LARS1: variants seen among roughly 807,000 people sequenced by gnomAD.
LARS1 encodes the protein leucine--tRNA ligase, cytoplasmic.
LARS1 carries 100 observed loss-of-function variants against 162.8 expected under a neutral mutation model. The ratio of observed to expected loss-of-function variants is 0.61; its 90% confidence interval spans 0.52 to 0.73. LARS1 has a LOEUF of 0.73. Among genes scored for constraint, LARS1 ranks in the 30% least tolerant of loss-of-function variants. LARS1 has a pLI of 0.00. For missense variants in LARS1, 1,258 were observed against 1,408.9 expected (o/e 0.89, Z 1.71); for synonymous variants, 457 against 462.8 (o/e 0.99, Z 0.16).
At position 146,144,556 on chromosome 5, in the gene LARS1, A is replaced by G. The variant is rs774868911; in HGVS notation, c.1590-19T>C. 10 of 1,613,156 alleles carry G rather than the reference A, an allele frequency of 6.2e-6. No homozygotes were observed. The highest frequency in any genetic ancestry group is 3.3e-4 in the Middle Eastern group (2 of 6,076). ...CAAGTACCTGGGAGTGGACAAATTG[A>G]TATGTTTTTTTTTAAGTCAAAGGTG... On this transcript the variant is annotated intron_variant, in intron 16 of 31. Coordinates refer to ENST00000394434, the MANE Select transcript of LARS1 (RefSeq NM_020117.11).
intron 21 of LARS1, among the ~76,000 whole-genome samples, chr5:146,136,902 C>T (rs2963917): frequency 0.98 from 149,828 of 152,360 alleles, 73,717 homozygotes; most frequent in South Asian, 1. Context: ...CTATTTTCTC[C>T]TTTTTCCCTT....
At chr5:146,137,253 T>C (rs1411587935) in intron 21 of LARS1, among the ~76,000 whole-genome samples, 4 of 152,236 alleles carry the variant, frequency 2.6e-5, no homozygotes, top group Non-Finnish European at 5.9e-5. Context: ...AATACAGTCA[T>C]TGCTATTCTG....
intron 31 of LARS1, among the ~76,000 whole-genome samples, chr5:146,117,212 A>C (rs1216577722): frequency 1.3e-5 from 2 of 152,174 alleles, no homozygotes; most frequent in African/African-American, 4.8e-5. Context: ...TGCAGAACCT[A>C]GTCAGTGCTA....
chr5:146,160,687 CA>C (rs1753743802), intron 6 of LARS1, among the ~76,000 whole-genome samples: 1 of 152,096 alleles, frequency 6.6e-6, no homozygotes, highest in African/African-American at 2.4e-5. Context: ...TATACATATA[CA>C]TATTAACAAA....
chr5:146,146,874 C>T (rs1024957936), intron 15 of LARS1, among the ~76,000 whole-genome samples: 5 of 151,684 alleles, frequency 3.3e-5, no homozygotes, highest in African/African-American at 9.7e-5. Context: ...CTACCATGCC[C>T]GGCTAATTTT....
At chr5:146,153,287 G>T in intron 12 of LARS1, 60 bp from the exon 13 acceptor site, 1 of 1,175,060 alleles carries the variant, frequency 8.5e-7, no homozygotes, top group South Asian at 1.3e-5. Context: ...GAATCATTGA[G>T]AGAAGCAATC....
intron 10 of LARS1, among the ~76,000 whole-genome samples, chr5:146,154,607 G>A (rs1034277544): frequency 3.9e-5 from 6 of 151,920 alleles, no homozygotes; most frequent in African/African-American, 1.4e-4. Context: ...GTGAAACCCC[G>A]TCTCTACTAA....
rs35424128 is a variant in LARS1, at chr5:146,131,243, A to G, written c.2397-134T>C. 0.25 allele frequency: 132,392 copies of G among 521,680 alleles called. 18,887 individuals carry two copies. The highest frequency in any genetic ancestry group is 0.36 in the Admixed American group (9,552 of 26,712). The allele number at this position is 521,680 out of a possible 1,614,324, so 32.3% of individuals were successfully genotyped here. Reference sequence around the variant, plus strand: ...TTGAAATACTGCTCATTTAAGCAGTAAAATGAGAACAATGCCCAGAACATT... The same window carrying G: ...TTGAAATACTGCTCATTTAAGCAGTGAAATGAGAACAATGCCCAGAACATT... On this transcript the variant is annotated intron_variant, in intron 23 of 31. Transcript: ENST00000394434.
In LARS1 at chr5:146,149,709, TGA is replaced by T. The variant is rs552710520; in HGVS notation, c.1426-12_1426-11del. ...CATCCACCAACATGATCTAAAAGGATGAGAGGGGAGAAAAACCACATATAAAA... is the reference window on the plus strand; with the variant it reads ...CATCCACCAACATGATCTAAAAGGATGAGGGGAGAAAAACCACATATAAAA... On this transcript the variant is annotated splice_polypyrimidine_tract_variant and intron_variant, in intron 14 of 31. Coordinates refer to ENST00000394434, the MANE Select transcript of LARS1 (RefSeq NM_020117.11). 145 of 1,595,734 alleles carry T rather than the reference TGA, an allele frequency of 9.1e-5. No homozygotes were observed. Among genetic ancestry groups the T allele is most frequent in the Non-Finnish European group, 1.2e-4 (143 of 1,163,656 alleles).
intron 15 of LARS1, among the ~76,000 whole-genome samples, chr5:146,148,025 G>C (rs937184353): frequency 4.0e-4 from 61 of 152,264 alleles, no homozygotes; most frequent in African/African-American, 1.4e-3. Flanking sequence ...AATACCTTCA[G>C]GTTTTTAAGG....
intron 8 of LARS1, among the ~76,000 whole-genome samples, chr5:146,158,072 T>C (rs1275616343): frequency 2.0e-5 from 3 of 152,184 alleles, no homozygotes; most frequent in Non-Finnish European, 2.9e-5. Context: ...ATGTCCCACA[T>C]AGTAGTCATC....
Position 146,114,050 on chromosome 5 carries a change from C to T in LARS1, c.*56G>A, listed in dbSNP as rs896337197. 21 of 1,349,156 alleles carry T rather than the reference C, an allele frequency of 1.6e-5. No homozygotes were observed. In the African/African-American group the frequency reaches 1.6e-4, roughly 10 times the overall value. The allele number at this position is 1,349,156 out of a possible 1,614,324, so 83.6% of individuals were successfully genotyped here. ...GGTTCTGATAGCCAATCAGTAGACA[C>T]AATCAGAGTAGTAGTATTCCTAAGA... On this transcript the variant is annotated 3_prime_UTR_variant, in exon 32 of 32. Transcript: ENST00000394434.
intron 5 of LARS1, among the ~76,000 whole-genome samples, chr5:146,166,834 C>A (rs73317821): frequency 0.029 from 4,007 of 138,390 alleles, 161 homozygotes; most frequent in African/African-American, 0.094. Context: ...AGATCTCTCC[C>A]AAAATATATA....
chr5:146,147,949 C>T (rs1198799515), intron 15 of LARS1, among the ~76,000 whole-genome samples: 1 of 152,164 alleles, frequency 6.6e-6, no homozygotes, highest in Non-Finnish European at 1.5e-5. Flanking sequence ...GTTACAAAAA[C>T]ATCAGTCACT....
At chr5:146,134,491 A>G (rs1230971983) in intron 22 of LARS1, among the ~76,000 whole-genome samples, 2 of 152,232 alleles carry the variant, frequency 1.3e-5, no homozygotes, top group African/African-American at 4.8e-5. Flanking sequence ...AAAAAGAAGT[A>G]CCATGATGAC....
At chr5:146,168,066 T>A in intron 5 of LARS1, 62 bp downstream of exon 5, 7 of 1,371,592 alleles carry the variant, frequency 5.1e-6, no homozygotes, top group Non-Finnish European at 7.1e-6. Context: ...GTACTGGGAA[T>A]GCACATATAA....
intron 1 of LARS1, among the ~76,000 whole-genome samples, chr5:146,178,299 A>G (rs1189430628): frequency 6.6e-6 from 1 of 152,124 alleles, no homozygotes; most frequent in Non-Finnish European, 1.5e-5. Context: ...CAAAATTGTT[A>G]AAGAACTGTT....
intron 28 of LARS1, among the ~76,000 whole-genome samples, chr5:146,125,742 C>T (rs1373682166): frequency 6.6e-6 from 1 of 151,906 alleles, no homozygotes. Flanking sequence ...CAATATAAGC[C>T]TTCTTTCGGT....
chr5:146,172,997 T>C (rs966938927), intron 2 of LARS1, among the ~76,000 whole-genome samples: 34 of 152,200 alleles, frequency 2.2e-4, no homozygotes, highest in African/African-American at 8.0e-4. Context: ...TATTAAGAAT[T>C]AAATAGCCTT....
Sources: gnomAD v4.1 joint callset for allele counts (sites outside exome capture counted in the v4.1 genomes callset) on GRCh38, gnomAD v4.1.1 for gene constraint, MANE v1.5 for transcripts, NCBI Gene and HGNC (gene_info 2026-07-23, HGNC 2026-07-21) for gene names.